FOCAD: variants seen among roughly 807,000 people sequenced by gnomAD.
FOCAD encodes focadhesin.
Under a neutral mutation model 225.6 loss-of-function variants are expected in FOCAD, and 198 were observed. The ratio of observed to expected loss-of-function variants is 0.88; its 90% CI spans 0.78 to 0.99. The LOEUF is 0.99. Among genes scored for constraint, FOCAD ranks in the 50% least tolerant of loss-of-function variants. The probability of loss-of-function intolerance (pLI) is 0.00; values close to 1 mark genes in which losing one functional copy is unlikely to be tolerated. For synonymous variants in FOCAD, 897 were observed against 755.0 expected, an observed-to-expected ratio of 1.19 and a Z score of -3.08; for missense variants, 2,713 against 2,123.6, an observed-to-expected ratio of 1.28 and a Z score of -5.46.
chr9:20,885,611 T>A (rs2131864583), intron 21 of FOCAD: 1 of 152,878 alleles, frequency 6.5e-6, no homozygotes, highest in East Asian at 1.9e-4. Flanking sequence ...GTGTTTGGAA[T>A]TAAAAGTAAA....
rs902340174 is a variant in FOCAD, at chr9:20,885,185, C to G, written c.2580C>G (p.Ser860Arg). The change falls in exon 21 of 44, where the codon AGC (serine) becomes AGG (arginine). Residue 860 changes from serine (S) to arginine (R), a missense_variant. By Grantham distance (110) the Ser-to-Arg change is moderately radical (BLOSUM62 -1). Coordinates refer to ENST00000338382, the MANE Select transcript of FOCAD (RefSeq NM_001375567.1). ...AACCATTGAACAGACTGATGGCCAG[C>G]AGAGGGCGAAGTTTCAAGCAGACTT... ...DGKPLNRLMA[S>R]RGRSFKQTSL... The G allele has an allele frequency of 1.3e-6, 2 of 1,542,742 alleles. No homozygotes were observed. Among genetic ancestry groups the G allele is most frequent in the Non-Finnish European group, 1.8e-6 (2 of 1,141,768 alleles).
At position 20,986,283 on chromosome 9, in the gene FOCAD, T is replaced by TTTTTTTTTTTTTTTTGA; in HGVS notation, c.4729-5_4729-4insTTTTTTTTTTTTTTTGA. The TTTTTTTTTTTTTTTTGA allele has an allele frequency of 6.8e-7, 1 of 1,476,884 alleles. No individual in the cohort carries two copies. The highest frequency in any genetic ancestry group is 2.5e-5 in the East Asian group (1 of 40,752). 91.5% of individuals were successfully genotyped at this position (1,476,884 alleles called of 1,614,324 possible). A position where few individuals can be genotyped will look rare whatever the true frequency, so the allele number is the denominator to read the frequency against. On this transcript the variant is annotated splice_polypyrimidine_tract_variant and splice_region_variant and intron_variant, in intron 39 of 43. Transcript: ENST00000338382. ...ACTAAACAATTTTTTTTTTTTTTTT[T>TTTTTTTTTTTTTTTTGA]GCAGAGCAACATAGAAAAAGCTGCC...
At chr9:20,850,950 T>A (rs1388270910) in intron 15 of FOCAD, among the ~76,000 whole-genome samples, 1 of 150,876 alleles carries the variant, frequency 6.6e-6, no homozygotes, top group Non-Finnish European at 1.5e-5. Context: ...AGAAAGTATG[T>A]TTTAGCAACT....
At chr9:20,902,891 C>T (rs1832673058) in intron 21 of FOCAD, among the ~76,000 whole-genome samples, 1 of 151,796 alleles carries the variant, frequency 6.6e-6, no homozygotes, top group Admixed American at 6.6e-5. Flanking sequence ...AAGAAGTGTG[C>T]AAAGTCTAAT....
At chr9:20,685,653 C>A (rs546884726) in intron 1 of FOCAD, among the ~76,000 whole-genome samples, 2 of 152,172 alleles carry the variant, frequency 1.3e-5, no homozygotes, top group African/African-American at 4.8e-5. Context: ...AAAGCATTTT[C>A]ACTTGCTTTT....
chr9:20,801,379 T>A (rs1186306966), intron 11 of FOCAD, among the ~76,000 whole-genome samples: 1 of 152,130 alleles, frequency 6.6e-6, no homozygotes, highest in Non-Finnish European at 1.5e-5. Flanking sequence ...AATAAAATTA[T>A]GTGTGTAATT....
intron 21 of FOCAD, among the ~76,000 whole-genome samples, chr9:20,905,445 A>T (rs1832875599): frequency 1.3e-5 from 2 of 151,912 alleles, no homozygotes; most frequent in Non-Finnish European, 2.9e-5. Flanking sequence ...TCTTTTTGCC[A>T]ATTTGCTGAG....
chr9:20,978,429 C>T lies in FOCAD; in HGVS notation c.4352C>T (p.Thr1451Ile), dbSNP rs1564233997. 3.1e-6 allele frequency: 5 copies of T among 1,611,054 alleles called. No homozygotes were observed. Among genetic ancestry groups the T allele is most frequent in the Middle Eastern group, 3.3e-4 (2 of 6,052 alleles). The change falls in exon 37 of 44, where the codon ACA (threonine) becomes ATA (isoleucine). Residue 1451 changes from threonine (T) to isoleucine (I), a missense_variant. Thr to Ile is a moderately conservative substitution (Grantham distance 89, BLOSUM62 -1). Coordinates refer to ENST00000338382, the MANE Select transcript of FOCAD (RefSeq NM_001375567.1). ...NAAALLGLWV[T>I]PPLIHSLSLN... Reference sequence around the variant, plus strand: ...GCTGCACTATTGGGCTTGTGGGTGACACCACCACTGATCCACAGTCTGAGT... The same window carrying T: ...GCTGCACTATTGGGCTTGTGGGTGATACCACCACTGATCCACAGTCTGAGT...
At chr9:20,914,086 A>C (rs969054650) in intron 23 of FOCAD, among the ~76,000 whole-genome samples, 18 of 150,122 alleles carry the variant, frequency 1.2e-4, no homozygotes, top group Non-Finnish European at 2.1e-4. Context: ...GCAACATGGC[A>C]AAACTCTGTC....
Position 20,770,250 on chromosome 9 carries a change from A to C in FOCAD, c.906+12A>C. 1 of 1,605,416 alleles carries C rather than the reference A, an allele frequency of 6.2e-7. No individual in the cohort carries two copies. Among genetic ancestry groups the C allele is most frequent in the South Asian group, 1.1e-5 (1 of 90,816 alleles). On this transcript the variant is annotated intron_variant, in intron 8 of 43. Transcript: ENST00000338382. ...AACTTCTGAAGGAGGTAAGGATAGT[A>C]GTATATTATACTGTTCATGCATTGC... is the stretch of plus-strand genomic sequence containing the variant.
chr9:20,720,355 C>A lies in FOCAD; in HGVS notation c.133-25C>A. On this transcript the variant is annotated intron_variant, in intron 3 of 43. Transcript: ENST00000338382. ...TGTGTTTGCTGCTCATCAGAATTGT[C>A]TTCTAATCACTGGTTTGGTTTCAGA... The A allele has an allele frequency of 1.9e-6, 3 of 1,611,586 alleles. No individual in the cohort carries two copies. The South Asian group carries it at 3.3e-5, about 18-fold the overall frequency.
At chr9:20,824,803 A>G (rs1036271818) in intron 15 of FOCAD, among the ~76,000 whole-genome samples, 10 of 152,074 alleles carry the variant, frequency 6.6e-5, no homozygotes, top group Non-Finnish European at 1.2e-4. Context: ...AGTTAAGTTC[A>G]TTTTATTAGA....
chr9:20,993,194 T>G (rs1474393171), intron 42 of FOCAD, 59 bp from the exon 43 acceptor site: 1 of 1,393,512 alleles, frequency 7.2e-7, no homozygotes, highest in Non-Finnish European at 1.0e-6. Context: ...AGGGAATAAC[T>G]GTTCTTTTGC....
At chr9:20,922,882 G>T (rs1329033700) in intron 24 of FOCAD, among the ~76,000 whole-genome samples, 1 of 152,134 alleles carries the variant, frequency 6.6e-6, no homozygotes, top group Non-Finnish European at 1.5e-5. Flanking sequence ...TTGGAATTAT[G>T]GAATAATATT....
At position 20,715,328 on chromosome 9, in the gene FOCAD, C is replaced by CA; in HGVS notation, c.-25dup. 6.7e-7 allele frequency: 1 copy of CA among 1,481,956 alleles called. No homozygotes were observed. The highest frequency in any genetic ancestry group is 1.5e-5 in the South Asian group (1 of 66,960). 91.8% of individuals were successfully genotyped at this position (1,481,956 alleles called of 1,614,324 possible). A position where few individuals can be genotyped will look rare whatever the true frequency, so the allele number is the denominator to read the frequency against. On this transcript the variant is annotated 5_prime_UTR_variant, in exon 2 of 44. Coordinates refer to ENST00000338382, the MANE Select transcript of FOCAD (RefSeq NM_001375567.1). ...TCTTTTGTTTTGGTTACAGAAGCTGCACACATACATGTAAGAGAAGCAAAA... is the reference window on the plus strand; with the variant it reads ...TCTTTTGTTTTGGTTACAGAAGCTGCAACACATACATGTAAGAGAAGCAAAA...
At chr9:20,711,780 G>A (rs1201072428) in intron 1 of FOCAD, among the ~76,000 whole-genome samples, 2 of 152,228 alleles carry the variant, frequency 1.3e-5, no homozygotes, top group Non-Finnish European at 2.9e-5. Context: ...GTATGGAAGC[G>A]TTTGGAGATC....
chr9:20,762,902 C>G (rs1380129254), intron 6 of FOCAD, among the ~76,000 whole-genome samples: 2 of 152,176 alleles, frequency 1.3e-5, no homozygotes, highest in African/African-American at 4.8e-5. Flanking sequence ...AGCTCCCACT[C>G]TTAAATGAGA....
At position 20,708,704 on chromosome 9, in the gene FOCAD, A is replaced by T. The variant is rs1191118554; in HGVS notation, c.-32-6618A>T. Among the ~76,000 whole-genome samples the T allele has an allele frequency of 2.0e-5, 3 of 151,804 alleles. No individual in the cohort carries two copies. In the East Asian group the frequency reaches 5.8e-4, roughly 29 times the overall value. ...GATGGGCGGATCACTTGAGCCCTGG[A>T]GTTTGAGGCTGCAGTGACCTATGAT... On this transcript the variant is annotated intron_variant, in intron 1 of 43. Transcript: ENST00000338382.
intron 15 of FOCAD, among the ~76,000 whole-genome samples, chr9:20,850,125 C>G (rs974404795): frequency 1.3e-5 from 2 of 151,438 alleles, no homozygotes; most frequent in Non-Finnish European, 3.0e-5. Context: ...TAAAAAAACT[C>G]TTAGTCTTAT....
Sources: gnomAD v4.1 joint callset for allele counts (sites outside exome capture counted in the v4.1 genomes callset) on GRCh38, gnomAD v4.1.1 for gene constraint, MANE v1.5 for transcripts, NCBI Gene and HGNC (gene_info 2026-07-23, HGNC 2026-07-21) for gene names.